Variants in MAPK13 observed in about 807,000 individuals in gnomAD.
The protein encoded by MAPK13 is mitogen-activated protein kinase 13, also known as MAP kinase 13.
Under a neutral mutation model 53.5 loss-of-function variants are expected in MAPK13, and 39 were observed. The observed-to-expected ratio is 0.73, with a 90% CI of 0.56 to 0.95. MAPK13 has a LOEUF of 0.95. Among genes scored for constraint, MAPK13 ranks in the 40% least tolerant of loss-of-function variants. The pLI is 0.00. For missense variants in MAPK13, 460 were observed against 471.8 expected, an observed-to-expected ratio of 0.98 and a Z score of 0.23; for synonymous variants, 179 against 190.9, an observed-to-expected ratio of 0.94 and a Z score of 0.51.
chr6:36,138,424 CAGA>C lies in MAPK13; in HGVS notation c.745_747del (p.Lys249del), dbSNP rs1161307494. On this transcript the variant is annotated inframe_deletion, in exon 9 of 12. Coordinates refer to ENST00000211287, the MANE Select transcript of MAPK13 (RefSeq NM_002754.5). Reference sequence around the variant, plus strand: ...CGGGGTGCCTGGCACGGAGTTTGTGCAGAAGCTGAACGACAAAGCGGTGGGTGG... The same window carrying C: ...CGGGGTGCCTGGCACGGAGTTTGTGCAGCTGAACGACAAAGCGGTGGGTGG... The C allele has an allele frequency of 6.2e-7, 1 of 1,614,020 alleles. No homozygotes were observed. The highest frequency in any genetic ancestry group is 8.5e-7 in the Non-Finnish European group (1 of 1,179,974).
chr6:36,130,751 C>G lies in MAPK13; in HGVS notation c.119+50C>G, dbSNP rs777899818. ...GCGGGGGGCGGGCGCCAGGCTCTCC[C>G]CTTTCCGCCCAGCCCGCCCTGGGCT... On this transcript the variant is annotated intron_variant, in intron 1 of 11. Coordinates refer to ENST00000211287, the MANE Select transcript of MAPK13 (RefSeq NM_002754.5). The surrounding 1 kb of genome is among the most constrained non-coding windows in gnomAD (Gnocchi z 4.5). 2.1e-6 allele frequency: 2 copies of G among 965,202 alleles called. No individual in the cohort carries two copies. Among genetic ancestry groups the G allele is most frequent in the South Asian group, 1.6e-5 (1 of 64,036 alleles). The allele number at this position is 965,202 out of a possible 1,614,324, so 59.8% of individuals were successfully genotyped here. A position where few individuals can be genotyped will look rare whatever the true frequency, so the allele number is the denominator to read the frequency against.
Position 36,141,423 on chromosome 6 carries a change from CAGCACCT to C in MAPK13, c.*2051_*2057del, listed in dbSNP as rs1373305262. The C allele has an allele frequency of 2.6e-5, 4 of 152,172 alleles. No homozygotes were observed. Among genetic ancestry groups the C allele is most frequent in the Non-Finnish European group, 5.9e-5 (4 of 68,064 alleles). 9.4% of individuals were successfully genotyped at this position (152,172 alleles called of 1,614,324 possible). A position where few individuals can be genotyped will look rare whatever the true frequency, so the allele number is the denominator to read the frequency against. On this transcript the variant is annotated 3_prime_UTR_variant, in exon 12 of 12. Coordinates refer to ENST00000211287, the MANE Select transcript of MAPK13 (RefSeq NM_002754.5). ...TCGCAGTAGCTCACGCCTGTAATCC[CAGCACCT>C]TGGGAGGCTGAGGTGGGCGGATCAC...
Position 36,141,183 on chromosome 6 carries a change from G to A in MAPK13, c.*1810G>A, listed in dbSNP as rs568501838. ...TATTGTGCATTTGTTACCATCTGTA[G>A]GACTGGATAACACAGAGTGAACCCT... On this transcript the variant is annotated 3_prime_UTR_variant, in exon 12 of 12. Transcript: ENST00000211287. 2.6e-4 allele frequency: 40 copies of A among 152,210 alleles called. No homozygotes were observed. Among genetic ancestry groups the A allele is most frequent in the African/African-American group, 9.2e-4 (38 of 41,526 alleles). 9.4% of individuals were successfully genotyped at this position (152,210 alleles called of 1,614,324 possible). A position where few individuals can be genotyped will look rare whatever the true frequency, so the allele number is the denominator to read the frequency against.
chr6:36,130,588 C>T lies in MAPK13; in HGVS notation c.6C>T (p.Ser2=). 1 of 1,554,778 alleles carries T rather than the reference C, an allele frequency of 6.4e-7. No individual in the cohort carries two copies. The highest frequency in any genetic ancestry group is 1.8e-5 in the Admixed American group (1 of 56,290). ...GCCGAGATCGGGTGCCCGGGATGAG[C>T]CTCATCCGGAAAAAGGGCTTCTACA... is the stretch of plus-strand genomic sequence containing the variant. M[S]LIRKKGFYKQ... Residue 2 remains serine (S), a synonymous_variant, in exon 1 of 12, where the codon AGC becomes AGT. Transcript: ENST00000211287. The surrounding 1 kb of genome is among the most constrained non-coding windows in gnomAD (Gnocchi z 4.5).
rs138132800 is a variant in MAPK13, at chr6:36,131,296, G to C, written c.145G>C (p.Glu49Gln). ...VCSAIDKRSG[E>Q]KVAIKKLSRP... Reference sequence around the variant, plus strand: ...CTCGGCCATCGACAAGCGGTCAGGGGAGAAGGTGGCCATCAAGAAGCTGAG... The same window carrying C: ...CTCGGCCATCGACAAGCGGTCAGGGCAGAAGGTGGCCATCAAGAAGCTGAG... The change falls in exon 2 of 12, where the codon GAG becomes CAG. Residue 49 changes from glutamate (E) to glutamine (Q), a missense_variant. By Grantham distance (29) the Glu-to-Gln change is conservative. Coordinates refer to ENST00000211287, the MANE Select transcript of MAPK13 (RefSeq NM_002754.5). 1.2e-6 allele frequency: 2 copies of C among 1,613,662 alleles called. No homozygotes were observed. Among genetic ancestry groups the C allele is most frequent in the Non-Finnish European group, 1.7e-6 (2 of 1,179,892 alleles).
At chr6:36,134,106 C>T (rs553503705) in intron 3 of MAPK13, among the ~76,000 whole-genome samples, 9 of 152,146 alleles carry the variant, frequency 5.9e-5, no homozygotes, top group Admixed American at 5.2e-4. Flanking sequence ...AAGGGGTGGT[C>T]AGTTGAAGAA....
chr6:36,132,687 G>T lies in MAPK13; in HGVS notation c.308+8G>T. ...GCGCAACTTCTATGACTTGTGAGTT[G>T]GGCTGCACTGGGTTCTGGGGCATTT... On this transcript the variant is annotated splice_region_variant and intron_variant, in intron 3 of 11. Coordinates refer to ENST00000211287, the MANE Select transcript of MAPK13 (RefSeq NM_002754.5). 6.2e-7 allele frequency: 1 copy of T among 1,614,170 alleles called. No individual in the cohort carries two copies. The highest frequency in any genetic ancestry group is 8.5e-7 in the Non-Finnish European group (1 of 1,180,014).
At chr6:36,133,997 G>C (rs75027944) in intron 3 of MAPK13, among the ~76,000 whole-genome samples, 108 of 152,284 alleles carry the variant, frequency 7.1e-4, no homozygotes, top group African/African-American at 2.1e-3. Flanking sequence ...GGCAGTAGGA[G>C]GGAAGCAGAA....
rs1418763355 is a variant in MAPK13 at position 36,138,346 on chromosome 6, G to A, written c.683-19G>A. On this transcript the variant is annotated intron_variant, in intron 8 of 11. Coordinates refer to ENST00000211287, the MANE Select transcript of MAPK13 (RefSeq NM_002754.5). ...AGACCCACCAGGAGAGCAAGGCTAA[G>A]CCTTAACCTGCCACCAAGACCTGGA... The A allele has an allele frequency of 1.9e-6, 3 of 1,610,298 alleles. No individual in the cohort carries two copies. Among genetic ancestry groups the A allele is most frequent in the Admixed American group, 3.3e-5 (2 of 59,994 alleles).
At chr6:36,136,185 C>A in intron 5 of MAPK13, 137 bp downstream of exon 5, 2 of 1,052,392 alleles carry the variant, frequency 1.9e-6, no homozygotes, top group Non-Finnish European at 2.8e-6. Context: ...TTTTCACACC[C>A]AGCCACGGCC....
chr6:36,139,345 C>T lies in MAPK13; in HGVS notation c.1070C>T (p.Ser357Leu), dbSNP rs1766487606. The change falls in exon 12 of 12, where the codon TCA becomes TTA. Residue 357 changes from serine to leucine, a missense_variant. Transcript: ENST00000211287. Reference sequence around the variant, plus strand: ...TTCAGCCCCATTGCCCGGAAGGACTCACGGCGCCGGAGTGGCATGAAGCTG... The same window carrying T: ...TTCAGCCCCATTGCCCGGAAGGACTTACGGCGCCGGAGTGGCATGAAGCTG... ...VNFSPIARKDSRRRSGMKL is the reference protein window; with the variant it reads ...VNFSPIARKDLRRRSGMKL The T allele has an allele frequency of 6.2e-7, 1 of 1,614,038 alleles. No individual in the cohort carries two copies. The highest frequency in any genetic ancestry group is 8.5e-7 in the Non-Finnish European group (1 of 1,180,038).
chr6:36,139,227 T>C (rs1766484868), intron 11 of MAPK13, 67 bp from the exon 12 acceptor site: 4 of 1,507,976 alleles, frequency 2.7e-6, no homozygotes, highest in South Asian at 1.1e-5. Context: ...ATGCTGTCTC[T>C]GAAGGGGGGT....
In MAPK13 at chr6:36,136,054, T is replaced by C. The variant is rs1358162167; in HGVS notation, c.447+6T>C. On this transcript the variant is annotated splice_donor_region_variant and intron_variant, in intron 5 of 11. Coordinates refer to ENST00000211287, the MANE Select transcript of MAPK13 (RefSeq NM_002754.5). The stretch of plus-strand genomic sequence containing the variant: ...CTGCTGGGGTCGTGCACAGGGTGAG[T>C]GCTTTCTCTGCCATGGTCCTCAGAG... The C allele has an allele frequency of 3.1e-6, 5 of 1,613,718 alleles. No individual in the cohort carries two copies. Among genetic ancestry groups the C allele is most frequent in the Non-Finnish European group, 4.2e-6 (5 of 1,179,950 alleles).
rs148957514 is a variant in MAPK13, at chr6:36,140,596, C to T, written c.*1223C>T. 6.5e-6 allele frequency: 1 copy of T among 152,756 alleles called. No individual in the cohort carries two copies. The highest frequency in any genetic ancestry group is 1.5e-5 in the Non-Finnish European group (1 of 68,040). The allele number at this position is 152,756 out of a possible 1,614,324, so 9.5% of individuals were successfully genotyped here. A position where few individuals can be genotyped will look rare whatever the true frequency, so the allele number is the denominator to read the frequency against. ...TGCATTTGAATGAGGACCTCTCGCCCTGACCCAAGCCTAGTGATTCTGATG... is the reference window on the plus strand; with the variant it reads ...TGCATTTGAATGAGGACCTCTCGCCTTGACCCAAGCCTAGTGATTCTGATG... On this transcript the variant is annotated 3_prime_UTR_variant, in exon 12 of 12. Transcript: ENST00000211287.
At chr6:36,131,934 C>G (rs748849291) in intron 2 of MAPK13, among the ~76,000 whole-genome samples, 1 of 152,186 alleles carries the variant, frequency 6.6e-6, no homozygotes, top group Admixed American at 6.5e-5. Context: ...ATCTCGGCAG[C>G]GAGGCTCCCG....
intron 2 of MAPK13, 74 bp downstream of exon 2, chr6:36,131,474 C>G (rs1561787462): frequency 1.4e-6 from 2 of 1,471,940 alleles, no homozygotes; most frequent in African/African-American, 1.4e-5. Context: ...GCGGGGCCTC[C>G]CGGTATGGAG....
intron 2 of MAPK13, 71 bp downstream of exon 2, chr6:36,131,471 C>A: frequency 6.7e-7 from 1 of 1,488,464 alleles, no homozygotes; most frequent in Admixed American, 1.8e-5. Context: ...CAGGCGGGGC[C>A]TCCCGGTATG....
chr6:36,139,276 C>T lies in MAPK13; in HGVS notation c.1019-18C>T. 1 of 1,612,002 alleles carries T rather than the reference C, an allele frequency of 6.2e-7. No individual in the cohort carries two copies. Among genetic ancestry groups the T allele is most frequent in the Non-Finnish European group, 8.5e-7 (1 of 1,178,080 alleles). On this transcript the variant is annotated intron_variant, in intron 11 of 11. Coordinates refer to ENST00000211287, the MANE Select transcript of MAPK13 (RefSeq NM_002754.5). ...ACAGCACCTCTTTACGCACCTTAAA[C>T]CATGCTGCCTTTCTCAGAGCACATC... is the stretch of plus-strand genomic sequence containing the variant.
Position 36,139,553 on chromosome 6 carries a change from G to A in MAPK13, c.*180G>A. ...CAAAGATGTCGGTTGGGAGAAACTAGCTCTGATCCTAACAGGCCACGTTAA... is the reference window on the plus strand; with the variant it reads ...CAAAGATGTCGGTTGGGAGAAACTAACTCTGATCCTAACAGGCCACGTTAA... On this transcript the variant is annotated 3_prime_UTR_variant, in exon 12 of 12. Transcript: ENST00000211287. 1 of 595,190 alleles carries A rather than the reference G, an allele frequency of 1.7e-6. No individual in the cohort carries two copies. Among genetic ancestry groups the A allele is most frequent in the Non-Finnish European group, 3.0e-6 (1 of 332,562 alleles). 36.9% of individuals were successfully genotyped at this position (595,190 alleles called of 1,614,324 possible).
Sources: allele counts gnomAD v4.1 joint callset (sites outside exome capture counted in the v4.1 genomes callset), GRCh38; gene constraint gnomAD v4.1.1; non-coding constraint Gnocchi (gnomAD v3.1); transcripts MANE v1.5; gene names NCBI Gene and HGNC (gene_info 2026-07-23, HGNC 2026-07-21).